SSTR4: variants seen among roughly 807,000 people sequenced by gnomAD.
The protein encoded by SSTR4 is somatostatin receptor 4, also known as somatostatin receptor type 4.
For synonymous variants in SSTR4, 272 were observed against 246.3 expected (o/e 1.10, Z -0.98); for missense variants, 649 against 540.6 (o/e 1.20, Z -1.99).
rs1300023731 is a variant in SSTR4, at chr20:23,035,865, C to T, written c.382C>T (p.Leu128Phe). ...LCRAVLSVDG[L>F]NMFTSVFCLT... The stretch of plus-strand genomic sequence containing the variant: ...CCGCGCGGTGCTCAGCGTCGACGGC[C>T]TCAACATGTTCACCAGCGTCTTCTG... The change falls in exon 1 of 1, where the codon CTC (leucine) becomes TTC (phenylalanine). Residue 128 changes from leucine to phenylalanine, a missense_variant. Transcript: ENST00000255008. 3 of 1,611,156 alleles carry T rather than the reference C, an allele frequency of 1.9e-6. No individual in the cohort carries two copies. The highest frequency in any genetic ancestry group is 1.7e-6 in the Non-Finnish European group (2 of 1,178,564).
rs367718430 is a variant in SSTR4 at position 23,036,486 on chromosome 20, G to A, written c.1003G>A (p.Gly335Ser). ...CTGCCTGCGCTGCTGCCTCCTGGAA[G>A]GTGCTGGAGGTGCTGAGGAGGAGCC... is the stretch of plus-strand genomic sequence containing the variant. ...VLCLRCCLLE[G>S]AGGAEEEPLD... The change falls in exon 1 of 1, where the codon GGT becomes AGT. Residue 335 changes from glycine to serine, a missense_variant. Gly to Ser is a moderately conservative substitution (Grantham distance 56). Coordinates refer to ENST00000255008, the MANE Select transcript of SSTR4 (RefSeq NM_001052.4). The A allele has an allele frequency of 5.0e-6, 8 of 1,613,784 alleles. No homozygotes were observed. In the African/African-American group the frequency reaches 1.1e-4, roughly 22 times the overall value.
rs1984338201 is a variant in SSTR4, at chr20:23,036,687, C to T, written c.*37C>T. 1.3e-6 allele frequency: 2 copies of T among 1,518,858 alleles called. No homozygotes were observed. Among genetic ancestry groups the T allele is most frequent in the East Asian group, 2.3e-5 (1 of 44,142 alleles). The allele number at this position is 1,518,858 out of a possible 1,614,324, so 94.1% of individuals were successfully genotyped here. ...CCTACCCACCCTGCGTGGCCACCTC[C>T]CAAGGGGTGGGCACCATTCCTACAG... On this transcript the variant is annotated 3_prime_UTR_variant, in exon 1 of 1. Coordinates refer to ENST00000255008, the MANE Select transcript of SSTR4 (RefSeq NM_001052.4).
Position 23,035,986 on chromosome 20 carries a change from T to G in SSTR4, c.503T>G (p.Leu168Arg), listed in dbSNP as rs760003135. The G allele has an allele frequency of 6.2e-7, 1 of 1,602,300 alleles. No individual in the cohort carries two copies. Among genetic ancestry groups the G allele is most frequent in the African/African-American group, 1.3e-5 (1 of 74,772 alleles). ...RRPSVAKLIN[L>R]GVWLASLLVT... Reference sequence around the variant, plus strand: ...CCCAGCGTGGCCAAGCTCATCAACCTGGGCGTGTGGCTGGCATCCCTGTTG... The same window carrying G: ...CCCAGCGTGGCCAAGCTCATCAACCGGGGCGTGTGGCTGGCATCCCTGTTG... The change falls in exon 1 of 1, where the codon CTG (leucine) becomes CGG (arginine). Residue 168 changes from leucine to arginine, a missense_variant. Physicochemically the swap from Leu to Arg is moderately radical, Grantham distance 102. Coordinates refer to ENST00000255008, the MANE Select transcript of SSTR4 (RefSeq NM_001052.4).
rs779989244 is a variant in SSTR4 at position 23,035,837 on chromosome 20, G to T, written c.354G>T (p.Leu118=). ...ALRHWPFGSV[L]CRAVLSVDGL... The stretch of plus-strand genomic sequence containing the variant: ...GCCACTGGCCCTTCGGCTCCGTGCT[G>T]TGCCGCGCGGTGCTCAGCGTCGACG... Residue 118 remains leucine (L), a synonymous_variant, in exon 1 of 1, where the codon CTG becomes CTT. Coordinates refer to ENST00000255008, the MANE Select transcript of SSTR4 (RefSeq NM_001052.4). The T allele has an allele frequency of 3.5e-5, 56 of 1,599,062 alleles. No individual in the cohort carries two copies. The highest frequency in any genetic ancestry group is 4.8e-5 in the Non-Finnish European group (56 of 1,172,968).
chr20:23,036,278 G>A lies in SSTR4; in HGVS notation c.795G>A (p.Val265=). 1.9e-6 allele frequency: 3 copies of A among 1,614,178 alleles called. No individual in the cohort carries two copies. The highest frequency in any genetic ancestry group is 2.5e-6 in the Non-Finnish European group (3 of 1,180,036). ...TCACCAGGCTGGTGCTGATGGTCGT[G>A]GTCGTCTTTGTGCTCTGCTGGATGC... is the stretch of plus-strand genomic sequence containing the variant. ...KKITRLVLMV[V]VVFVLCWMPF... The change falls in exon 1 of 1, where the codon GTG becomes GTA. Residue 265 remains valine (V), a synonymous_variant. Transcript: ENST00000255008.
chr20:23,038,738 G>A lies in SSTR4; in HGVS notation c.*2088G>A, dbSNP rs552839924. 6.8e-4 allele frequency among the ~76,000 whole-genome samples: 104 copies of A among 152,186 alleles called. No homozygotes were observed. Among genetic ancestry groups the A allele is most frequent in the Non-Finnish European group, 1.1e-3 (73 of 68,038 alleles). On this transcript the variant is annotated 3_prime_UTR_variant, in exon 1 of 1. Coordinates refer to ENST00000255008, the MANE Select transcript of SSTR4 (RefSeq NM_001052.4). ...TGGCAGAGACACCGTGGAGACACGC[G>A]AATCAAATGGTGGGAGGGCAGGAGA...
Position 23,036,303 on chromosome 20 carries a change from C to T in SSTR4, c.820C>T (p.Pro274Ser), listed in dbSNP as rs368236248. 7 of 1,614,026 alleles carry T rather than the reference C, an allele frequency of 4.3e-6. No homozygotes were observed. Among genetic ancestry groups the T allele is most frequent in the Admixed American group, 3.3e-5 (2 of 60,008 alleles). Residue 274 changes from proline (P) to serine (S), a missense_variant, in exon 1 of 1, where the codon CCT becomes TCT. Physicochemically the swap from Pro to Ser is moderately conservative, Grantham distance 74. Transcript: ENST00000255008. ...VVVVFVLCWMPFYVVQLLNLF... is the reference protein window; with the variant it reads ...VVVVFVLCWMSFYVVQLLNLF... ...GGTCGTCTTTGTGCTCTGCTGGATG[C>T]CTTTCTACGTGGTGCAGCTGCTGAA...
chr20:23,035,628 G>C lies in SSTR4; in HGVS notation c.145G>C (p.Ala49Pro). The change falls in exon 1 of 1, where the codon GCT becomes CCT. Residue 49 changes from alanine to proline, a missense_variant. Physicochemically the swap from Ala to Pro is conservative, Grantham distance 27. Coordinates refer to ENST00000255008, the MANE Select transcript of SSTR4 (RefSeq NM_001052.4). ...GGACGCGCGGGCGGCGGGCATGGTC[G>C]CTATCCAGTGCATCTACGCGCTGGT... ...PGDARAAGMV[A>P]IQCIYALVCL... The C allele has an allele frequency of 6.5e-7, 1 of 1,541,586 alleles. No individual in the cohort carries two copies.
chr20:23,036,539 G>A lies in SSTR4; in HGVS notation c.1056G>A (p.Lys352=), dbSNP rs35479305. 5 of 1,613,384 alleles carry A rather than the reference G, an allele frequency of 3.1e-6. No individual in the cohort carries two copies. The highest frequency in any genetic ancestry group is 1.7e-5 in the Admixed American group (1 of 59,976). ...TGGACTACTATGCCACTGCTCTCAA[G>A]AGCAAAGGTGGGGCAGGGTGCATGT... ...EPLDYYATAL[K]SKGGAGCMCP... The change falls in exon 1 of 1, where the codon AAG becomes AAA. Residue 352 remains lysine, a synonymous_variant. Coordinates refer to ENST00000255008, the MANE Select transcript of SSTR4 (RefSeq NM_001052.4).
Position 23,036,983 on chromosome 20 carries a change from C to T in SSTR4, c.*333C>T, listed in dbSNP as rs371313454. ...GTCCCTGTGTGTGACTCCTTACAGC[C>T]ACTGCTTGGGAGAGGACTCAAGAAG... On this transcript the variant is annotated 3_prime_UTR_variant, in exon 1 of 1. Coordinates refer to ENST00000255008, the MANE Select transcript of SSTR4 (RefSeq NM_001052.4). 6.6e-6 allele frequency among the ~76,000 whole-genome samples: 1 copy of T among 152,186 alleles called. No individual in the cohort carries two copies.
rs1435530214 is a variant in SSTR4 at position 23,037,711 on chromosome 20, G to A, written c.*1061G>A. On this transcript the variant is annotated 3_prime_UTR_variant, in exon 1 of 1. Transcript: ENST00000255008. ...AGAGCTTAAGAGGAGCTCTAATTCT[G>A]CTTTCTGATAAAAGCAGGGGAGGGG... Among the ~76,000 whole-genome samples the A allele has an allele frequency of 1.3e-5, 2 of 152,162 alleles. No homozygotes were observed. The highest frequency in any genetic ancestry group is 6.5e-5 in the Admixed American group (1 of 15,288).
Position 23,035,512 on chromosome 20 carries a change from G to T in SSTR4, c.29G>T (p.Gly10Val). 6.4e-7 allele frequency: 1 copy of T among 1,567,994 alleles called. No individual in the cohort carries two copies. Among genetic ancestry groups the T allele is most frequent in the East Asian group, 2.5e-5 (1 of 40,500 alleles). The change falls in exon 1 of 1, where the codon GGG becomes GTG. Residue 10 changes from glycine (G) to valine (V), a missense_variant. Coordinates refer to ENST00000255008, the MANE Select transcript of SSTR4 (RefSeq NM_001052.4). ...AGCGCCCCCTCGACGCTGCCCCCCG[G>T]GGGCGAGGAAGGGCTGGGGACGGCC... MSAPSTLPP[G>V]GEEGLGTAWP...
rs1209051077 is a variant in SSTR4, at chr20:23,035,324, C to T, written c.-160C>T. On this transcript the variant is annotated 5_prime_UTR_variant, in exon 1 of 1. Coordinates refer to ENST00000255008, the MANE Select transcript of SSTR4 (RefSeq NM_001052.4). ...CGCCCGCGCGGTGGGGCGCGCGGCGCGGGGATTGGCGGGCGCTCCCCGGTG... is the reference window on the plus strand; with the variant it reads ...CGCCCGCGCGGTGGGGCGCGCGGCGTGGGGATTGGCGGGCGCTCCCCGGTG... 6.2e-6 allele frequency: 3 copies of T among 484,200 alleles called. No individual in the cohort carries two copies. The highest frequency in any genetic ancestry group is 2.0e-5 in the African/African-American group (1 of 48,926). The allele number at this position is 484,200 out of a possible 1,614,324, so 30.0% of individuals were successfully genotyped here.
chr20:23,037,551 C>A lies in SSTR4; in HGVS notation c.*901C>A, dbSNP rs1568662627. 6.6e-6 allele frequency among the ~76,000 whole-genome samples: 1 copy of A among 152,034 alleles called. No homozygotes were observed. Among genetic ancestry groups the A allele is most frequent in the South Asian group, 2.1e-4 (1 of 4,822 alleles). ...AGAGGAAGCAGCTTCATCACCACCC[C>A]CTATTTTAGAATGTCATCTTTCAGT... On this transcript the variant is annotated 3_prime_UTR_variant, in exon 1 of 1. Transcript: ENST00000255008.
At position 23,036,035 on chromosome 20, in the gene SSTR4, C is replaced by T. The variant is rs756067130; in HGVS notation, c.552C>T (p.Phe184=). ...SLLVTLPIAI[F]ADTRPARGGQ... ...TGGTCACTCTCCCCATCGCCATCTTCGCAGACACCAGACCGGCTCGCGGCG... is the reference window on the plus strand; with the variant it reads ...TGGTCACTCTCCCCATCGCCATCTTTGCAGACACCAGACCGGCTCGCGGCG... The change falls in exon 1 of 1, where the codon TTC becomes TTT. Residue 184 remains phenylalanine (F), a synonymous_variant. Transcript: ENST00000255008. 7.5e-6 allele frequency: 12 copies of T among 1,590,940 alleles called. No individual in the cohort carries two copies. The South Asian group carries it at 1.0e-4, about 13-fold the overall frequency.
In SSTR4 at chr20:23,036,150, C is replaced by A; in HGVS notation, c.667C>A (p.Pro223Thr). ...VYTFLLGFLL[P>T]VLAIGLCYLL... ...CACTTTCCTGCTGGGCTTCCTGCTG[C>A]CCGTGCTGGCCATTGGCCTGTGCTA... Residue 223 changes from proline to threonine, a missense_variant, in exon 1 of 1, where the codon CCC becomes ACC. Pro to Thr is a conservative substitution (Grantham distance 38). Coordinates refer to ENST00000255008, the MANE Select transcript of SSTR4 (RefSeq NM_001052.4). 1 of 1,608,258 alleles carries A rather than the reference C, an allele frequency of 6.2e-7. No individual in the cohort carries two copies. Among genetic ancestry groups the A allele is most frequent in the Non-Finnish European group, 8.5e-7 (1 of 1,179,742 alleles).
In SSTR4 at chr20:23,035,898, G is replaced by T; in HGVS notation, c.415G>T (p.Val139Leu). 6.2e-7 allele frequency: 1 copy of T among 1,612,924 alleles called. No homozygotes were observed. Among genetic ancestry groups the T allele is most frequent in the Non-Finnish European group, 8.5e-7 (1 of 1,179,596 alleles). ...GTTCACCAGCGTCTTCTGTCTCACC[G>T]TGCTCAGCGTGGACCGCTACGTGGC... ...NMFTSVFCLTVLSVDRYVAVV... is the reference protein window; with the variant it reads ...NMFTSVFCLTLLSVDRYVAVV... The change falls in exon 1 of 1, where the codon GTG becomes TTG. Residue 139 changes from valine to leucine, a missense_variant. Coordinates refer to ENST00000255008, the MANE Select transcript of SSTR4 (RefSeq NM_001052.4).
At position 23,036,572 on chromosome 20, in the gene SSTR4, ACTCCCCT is replaced by A. The variant is rs1168821779; in HGVS notation, c.1090_1096del (p.Leu364AlafsTer105). 1.2e-6 allele frequency: 2 copies of A among 1,603,754 alleles called. No homozygotes were observed. Among genetic ancestry groups the A allele is most frequent in the Non-Finnish European group, 1.7e-6 (2 of 1,175,536 alleles). ...GTGGGGCAGGGTGCATGTGCCCCCC[ACTCCCCT>A]GCCAGCAGGAAGCCCTGCAACCAGA... On this transcript the variant is annotated frameshift_variant, in exon 1 of 1. Coordinates refer to ENST00000255008, the MANE Select transcript of SSTR4 (RefSeq NM_001052.4). LOFTEE classifies it low-confidence loss of function (END_TRUNC).
At position 23,037,608 on chromosome 20, in the gene SSTR4, A is replaced by T. The variant is rs1174531638; in HGVS notation, c.*958A>T. On this transcript the variant is annotated 3_prime_UTR_variant, in exon 1 of 1. Coordinates refer to ENST00000255008, the MANE Select transcript of SSTR4 (RefSeq NM_001052.4). Reference sequence around the variant, plus strand: ...TCAGCCACATTAGATATTAACATGTAAGTTGAACACAATAAAAGGCCGTAT... The same window carrying T: ...TCAGCCACATTAGATATTAACATGTTAGTTGAACACAATAAAAGGCCGTAT... Among the ~76,000 whole-genome samples the T allele has an allele frequency of 1.3e-5, 2 of 152,202 alleles. No homozygotes were observed. Among genetic ancestry groups the T allele is most frequent in the East Asian group, 3.9e-4 (2 of 5,172 alleles).
Sources: allele counts gnomAD v4.1 joint callset (sites outside exome capture counted in the v4.1 genomes callset), GRCh38; gene constraint gnomAD v4.1.1; transcripts MANE v1.5; gene names NCBI Gene and HGNC (gene_info 2026-07-23, HGNC 2026-07-21).